The following CDH9 variants were observed in gnomAD, a reference collection of about 807,000 sequenced individuals.
CDH9 encodes cadherin-9.
Under a neutral mutation model 70.9 loss-of-function variants are expected in CDH9, and 28 were observed. That is an observed-to-expected ratio of 0.40 (90% CI 0.29 to 0.54). The LOEUF is 0.54. CDH9 is among the 20% of genes least tolerant of loss of function. The pLI is 0.59. For missense variants in CDH9, 874 were observed against 984.4 expected (o/e 0.89, Z 1.50); for synonymous variants, 409 against 343.1 (o/e 1.19, Z -2.12).
intron 2 of CDH9, among the ~76,000 whole-genome samples, chr5:26,985,390 C>T (rs1344807290): frequency 1.3e-5 from 2 of 152,016 alleles, no homozygotes; most frequent in Admixed American, 6.6e-5. Context: ...ATTTAAACAG[C>T]TTCTAAATTA....
At chr5:26,897,432 C>T (rs899225046) in intron 7 of CDH9, among the ~76,000 whole-genome samples, 10 of 152,124 alleles carry the variant, frequency 6.6e-5, no homozygotes, top group Non-Finnish European at 1.5e-4. Context: ...AATATACTGG[C>T]AAACTCAATC....
At position 26,988,247 on chromosome 5, in the gene CDH9, G is replaced by A. The variant is rs141182736; in HGVS notation, c.87C>T (p.Asn29=). ...VDTILLQEKP[N]SYLSSKKIAG... is the part of the protein sequence containing the mutation. ...CTATCTTTTTGCTTGATAAATAACT[G>A]TTAGGTTTTTCTTGTAATAGGATGG... The change falls in exon 2 of 12, where the codon AAC becomes AAT. Residue 29 remains asparagine (N), a synonymous_variant. Coordinates refer to ENST00000231021, the MANE Select transcript of CDH9 (RefSeq NM_016279.4). 5 of 1,613,390 alleles carry A rather than the reference G, an allele frequency of 3.1e-6. No individual in the cohort carries two copies. The highest frequency in any genetic ancestry group is 2.2e-5 in the East Asian group (1 of 44,826).
intron 2 of CDH9, among the ~76,000 whole-genome samples, chr5:26,928,592 T>C (rs2112020977): frequency 6.6e-6 from 1 of 152,156 alleles, no homozygotes; most frequent in South Asian, 2.1e-4. Flanking sequence ...GACTTCAAAT[T>C]ATACCACGGA....
At position 26,920,989 on chromosome 5, in the gene CDH9, G is replaced by A. The variant is rs184799630; in HGVS notation, c.229-5065C>T. Among the ~76,000 whole-genome samples, 665 of 152,252 alleles carry A rather than the reference G, an allele frequency of 4.4e-3. 1 individual carries two copies. The highest frequency in any genetic ancestry group is 7.3e-3 in the Admixed American group (111 of 15,302). On this transcript the variant is annotated intron_variant, in intron 2 of 11. Transcript: ENST00000231021. ...CATCTTCAAGCATTCAGACTAGTGA[G>A]GAAAACATGACTTCGTCAAATGAAC...
At chr5:26,995,009 T>C (rs1247663808) in intron 1 of CDH9, among the ~76,000 whole-genome samples, 3 of 152,202 alleles carry the variant, frequency 2.0e-5, no homozygotes, top group Non-Finnish European at 4.4e-5. Flanking sequence ...CTTTCTGTTA[T>C]ACCATCCATT....
In CDH9 at chr5:26,902,651, G is replaced by A. The variant is rs757051985; in HGVS notation, c.1078C>T (p.His360Tyr). 3.8e-6 allele frequency: 6 copies of A among 1,590,084 alleles called. No individual in the cohort carries two copies. The highest frequency in any genetic ancestry group is 1.1e-5 in the South Asian group (1 of 90,592). ...GCTGTATCTTTGAAAGGTCCCAGGT[G>A]TAAGAATCGTGGATCAGGGTGAGTG... ...SNTHPDPRFLHLGPFKDTAVV... is the reference protein window; with the variant it reads ...SNTHPDPRFLYLGPFKDTAVV... The change falls in exon 7 of 12, where the codon CAC becomes TAC. Residue 360 changes from histidine (H) to tyrosine (Y), a missense_variant. Coordinates refer to ENST00000231021, the MANE Select transcript of CDH9 (RefSeq NM_016279.4).
At chr5:26,966,645 C>A (rs1480776894) in intron 2 of CDH9, among the ~76,000 whole-genome samples, 2 of 152,110 alleles carry the variant, frequency 1.3e-5, no homozygotes, top group African/African-American at 4.8e-5. Flanking sequence ...GTAAAATGTT[C>A]TTTCAGAGTT....
Position 26,988,267 on chromosome 5 carries a change from G to T in CDH9, c.67C>A (p.Leu23Ile). Residue 23 changes from leucine to isoleucine, a missense_variant, in exon 2 of 12, where the codon CTA becomes ATA. Coordinates refer to ENST00000231021, the MANE Select transcript of CDH9 (RefSeq NM_016279.4). Reference protein sequence around the residue: ...TYMFHTVDTILLQEKPNSYLS... With the variant: ...TYMFHTVDTIILQEKPNSYLS... ...TAACTGTTAGGTTTTTCTTGTAATA[G>T]GATGGTGTCAACTGTATGGAACATA... 1 of 1,613,346 alleles carries T rather than the reference G, an allele frequency of 6.2e-7. No homozygotes were observed. The highest frequency in any genetic ancestry group is 1.3e-5 in the African/African-American group (1 of 74,966).
chr5:27,022,294 G>A (rs985058443), intron 1 of CDH9, among the ~76,000 whole-genome samples: 1 of 151,550 alleles, frequency 6.6e-6, no homozygotes, highest in African/African-American at 2.4e-5. Context: ...AAGGATCATT[G>A]GACCTTAGAA....
At chr5:26,988,011 A>G in intron 2 of CDH9, 95 bp downstream of exon 2, 1 of 809,880 alleles carries the variant, frequency 1.2e-6, no homozygotes, top group Non-Finnish European at 1.9e-6. Context: ...TTAGTTAAAT[A>G]TTTTTTAATA....
intron 1 of CDH9, among the ~76,000 whole-genome samples, chr5:26,994,058 G>C (rs1742626489): frequency 6.6e-6 from 1 of 152,074 alleles, no homozygotes; most frequent in Admixed American, 6.6e-5. Context: ...CTCCCTTTTA[G>C]AATAAGTATG....
chr5:26,908,335 CA>C (rs149115250), intron 3 of CDH9, among the ~76,000 whole-genome samples: 1 of 152,060 alleles, frequency 6.6e-6, no homozygotes, highest in Non-Finnish European at 1.5e-5. Context: ...AGAAGTTCAA[CA>C]AGTGTTTTTT....
chr5:27,034,123 A>G (rs1242962709), intron 1 of CDH9, among the ~76,000 whole-genome samples: 1 of 151,782 alleles, frequency 6.6e-6, no homozygotes, highest in Non-Finnish European at 1.5e-5. Context: ...TCTGTTAGAT[A>G]AATGTTTCTT....
intron 1 of CDH9, among the ~76,000 whole-genome samples, chr5:27,034,019 C>A (rs910541104): frequency 1.3e-5 from 2 of 151,484 alleles, no homozygotes; most frequent in African/African-American, 4.8e-5. Flanking sequence ...CAAAGATGTT[C>A]TTTTACTAAA....
rs61512455 is a variant in CDH9 at position 26,910,224 on chromosome 5, C to CATCTATCTATCTATCT, written c.524-3402_524-3387dup. Among the ~76,000 whole-genome samples the CATCTATCTATCTATCT allele has an allele frequency of 5.3e-3, 786 of 149,306 alleles. 1 individual carries two copies. Among genetic ancestry groups the CATCTATCTATCTATCT allele is most frequent in the Middle Eastern group, 0.014 (4 of 290 alleles). On this transcript the variant is annotated intron_variant, in intron 3 of 11. Coordinates refer to ENST00000231021, the MANE Select transcript of CDH9 (RefSeq NM_016279.4). ...AAACCTAGGCCTCGTATCTATCATC[C>CATCTATCTATCTATCT]ATCTATCTATCTATCTATCTATCTA...
At chr5:26,881,662 G>A in intron 11 of CDH9, 39 bp from the exon 12 acceptor site, 1 of 1,561,118 alleles carries the variant, frequency 6.4e-7, no homozygotes, top group Admixed American at 1.9e-5. Flanking sequence ...GATTTCATGA[G>A]TCAGGATAAA....
Position 26,901,577 on chromosome 5 carries a change from C to T in CDH9, c.1253+899G>A, listed in dbSNP as rs1427106886. On this transcript the variant is annotated intron_variant, in intron 7 of 11. Transcript: ENST00000231021. Reference sequence around the variant, plus strand: ...ACATGAAAAGAATTTAACCATTTTCCCTAACTAATTAAATGTTAAGCAAAG... The same window carrying T: ...ACATGAAAAGAATTTAACCATTTTCTCTAACTAATTAAATGTTAAGCAAAG... Among the ~76,000 whole-genome samples, 5 of 151,756 alleles carry T rather than the reference C, an allele frequency of 3.3e-5. No homozygotes were observed. In the East Asian group the frequency reaches 9.7e-4, roughly 29 times the overall value.
Position 26,889,866 on chromosome 5 carries a change from T to C in CDH9, c.1482A>G (p.Thr494=), listed in dbSNP as rs1740625827. The C allele has an allele frequency of 7.5e-6, 12 of 1,597,676 alleles. No homozygotes were observed. The highest frequency in any genetic ancestry group is 1.0e-5 in the Non-Finnish European group (12 of 1,166,612). The change falls in exon 9 of 12, where the codon ACA becomes ACG. Residue 494 remains threonine, a synonymous_variant. Transcript: ENST00000231021. ...HAPEFAMYYE[T]FVCENAKPGQ... The stretch of plus-strand genomic sequence containing the variant: ...CAGGTTTTGCATTTTCACAAACAAA[T>C]GTTTCATAATACATGGCAAATTCCG...
At chr5:26,916,762 A>G (rs1022873379) in intron 2 of CDH9, among the ~76,000 whole-genome samples, 4 of 117,384 alleles carry the variant, frequency 3.4e-5, no homozygotes, top group East Asian at 2.4e-4. Context: ...CTAATCAGAG[A>G]GAGAAAGAGA....
Sources: allele counts gnomAD v4.1 joint callset (sites outside exome capture counted in the v4.1 genomes callset), GRCh38; gene constraint gnomAD v4.1.1; transcripts MANE v1.5; gene names NCBI Gene and HGNC (gene_info 2026-07-23, HGNC 2026-07-21).